The following TMEM132C variants were observed in gnomAD, a reference collection of about 807,000 sequenced individuals.
TMEM132C encodes transmembrane protein 132C.
A neutral mutation model predicts 61.4 loss-of-function variants in TMEM132C; 29 were observed. The observed-to-expected ratio is 0.47, with a 90% confidence interval of 0.35 to 0.64. The LOEUF (loss-of-function observed/expected upper bound fraction) is 0.64. TMEM132C is among the 30% of genes least tolerant of loss of function. TMEM132C has a pLI of 0.00. For synonymous variants in TMEM132C, 656 were observed against 633.1 expected (o/e 1.04, Z -0.54); for missense variants, 1,408 against 1,476.9 (o/e 0.95, Z 0.76).
chr12:128,648,822 T>C (rs998244757), intron 4 of TMEM132C, among the ~76,000 whole-genome samples: 1 of 151,090 alleles, frequency 6.6e-6, no homozygotes, highest in South Asian at 2.1e-4. Context: ...TCCATCAGCA[T>C]TGGATGTGAG....
chr12:128,462,795 G>A (rs1870583443), intron 2 of TMEM132C, among the ~76,000 whole-genome samples: 1 of 152,150 alleles, frequency 6.6e-6, no homozygotes, highest in Admixed American at 6.5e-5. Flanking sequence ...TACCTATTTT[G>A]GAGGAAGAGA....
At chr12:128,328,852 C>T (rs560449546) in intron 1 of TMEM132C, among the ~76,000 whole-genome samples, 1 of 150,726 alleles carries the variant, frequency 6.6e-6, no homozygotes, top group African/African-American at 2.5e-5. Context: ...TGTAAAACAC[C>T]GTTGTGATTT....
chr12:128,644,975 A>G (rs761476951), intron 4 of TMEM132C, among the ~76,000 whole-genome samples: 3 of 152,172 alleles, frequency 2.0e-5, no homozygotes, highest in Admixed American at 6.5e-5. Flanking sequence ...AGGGTCAAGT[A>G]GGATTCATGG....
intron 3 of TMEM132C, among the ~76,000 whole-genome samples, chr12:128,598,990 G>C (rs1449236714): frequency 6.6e-6 from 1 of 152,150 alleles, no homozygotes; most frequent in Non-Finnish European, 1.5e-5. Context: ...CTGGATTTTG[G>C]CTACATGTAG....
chr12:128,604,480 G>A (rs985413467), intron 3 of TMEM132C, among the ~76,000 whole-genome samples: 2 of 151,266 alleles, frequency 1.3e-5, no homozygotes, highest in African/African-American at 4.9e-5. Context: ...GATACAAATG[G>A]ATAGATCATA....
At position 128,417,629 on chromosome 12, in the gene TMEM132C, G is replaced by T. The variant is rs11830961; in HGVS notation, c.974+2009G>T. On this transcript the variant is annotated intron_variant, in intron 2 of 8. Transcript: ENST00000435159. ...CCTCCTCTCTAAAGCAGATGTAATTGTAGTACCTGCTTCGATGGGGTTGTG... is the reference window on the plus strand; with the variant it reads ...CCTCCTCTCTAAAGCAGATGTAATTTTAGTACCTGCTTCGATGGGGTTGTG... Among the ~76,000 whole-genome samples the T allele has an allele frequency of 2.6e-5, 4 of 152,202 alleles. No homozygotes were observed. In the East Asian group the frequency reaches 7.7e-4, roughly 29 times the overall value.
chr12:128,355,986 C>T (rs1015283428), intron 1 of TMEM132C, among the ~76,000 whole-genome samples: 1 of 152,122 alleles, frequency 6.6e-6, no homozygotes, highest in African/African-American at 2.4e-5. Flanking sequence ...CAGGTCATCT[C>T]TGTGTGGTTA....
At chr12:128,391,957 T>C (rs1054148709) in intron 1 of TMEM132C, among the ~76,000 whole-genome samples, 3 of 152,220 alleles carry the variant, frequency 2.0e-5, no homozygotes, top group African/African-American at 7.2e-5. Flanking sequence ...CAATTTTGCC[T>C]CTTGTCATAA....
intron 2 of TMEM132C, among the ~76,000 whole-genome samples, chr12:128,473,343 C>T (rs372603733): frequency 1.7e-3 from 57 of 33,832 alleles, no homozygotes; most frequent in South Asian, 2.2e-3. Context: ...GTCCAGCCTC[C>T]TTCTTCATCT....
intron 1 of TMEM132C, among the ~76,000 whole-genome samples, chr12:128,331,014 A>G (rs764100053): frequency 4.0e-4 from 61 of 152,308 alleles, no homozygotes; most frequent in Non-Finnish European, 7.8e-4. Context: ...TTATCCAACA[A>G]TAAAAGAATG....
chr12:128,373,676 C>CTA (rs778253138), intron 1 of TMEM132C, among the ~76,000 whole-genome samples: 2 of 152,190 alleles, frequency 1.3e-5, no homozygotes, highest in Non-Finnish European at 2.9e-5. Flanking sequence ...TTGTTGACTG[C>CTA]TAAGCCAGAT....
chr12:128,273,863 G>A (rs749146743), intron 1 of TMEM132C, among the ~76,000 whole-genome samples: 1 of 152,054 alleles, frequency 6.6e-6, no homozygotes, highest in African/African-American at 2.4e-5. Flanking sequence ...ATGCACTCAC[G>A]TACCCTAGGT....
In TMEM132C at chr12:128,271,566, G is replaced by T. The variant is rs538710603; in HGVS notation, c.85+4079G>T. On this transcript the variant is annotated intron_variant, in intron 1 of 8. Coordinates refer to ENST00000435159, the MANE Select transcript of TMEM132C (RefSeq NM_001136103.3). ...TTAGGATTTCCAACTTCTCTCAAAA[G>T]TGTCGAGAGTCTGCCAATCTTGGGT... Among the ~76,000 whole-genome samples, 43 of 152,276 alleles carry T rather than the reference G, an allele frequency of 2.8e-4. No homozygotes were observed. The East Asian group carries it at 8.1e-3, about 29-fold the overall frequency.
rs1173517348 is a variant in TMEM132C, at chr12:128,663,921, C to T, written c.1306-5496C>T. On this transcript the variant is annotated intron_variant, in intron 4 of 8. Coordinates refer to ENST00000435159, the MANE Select transcript of TMEM132C (RefSeq NM_001136103.3). Reference sequence around the variant, plus strand: ...ACATGCACGCACACAGGCACACACACCTGCACGCACGCGGACACTCACACA... The same window carrying T: ...ACATGCACGCACACAGGCACACACATCTGCACGCACGCGGACACTCACACA... Among the ~76,000 whole-genome samples the T allele has an allele frequency of 4.2e-5, 6 of 143,280 alleles. No individual in the cohort carries two copies. In the East Asian group the frequency reaches 8.5e-4, roughly 20 times the overall value. The allele number at this position is 143,280 out of a possible 152,430, so 94.0% of individuals were successfully genotyped here.
At chr12:128,639,526 T>C (rs892674746) in intron 4 of TMEM132C, among the ~76,000 whole-genome samples, 3 of 151,974 alleles carry the variant, frequency 2.0e-5, no homozygotes, top group African/African-American at 4.8e-5. Context: ...AATGAGAAAA[T>C]TGGAGAAAGA....
intron 3 of TMEM132C, among the ~76,000 whole-genome samples, chr12:128,557,957 T>G (rs1874383061): frequency 6.6e-6 from 1 of 152,238 alleles, no homozygotes; most frequent in African/African-American, 2.4e-5. Context: ...GCCCGGCAAC[T>G]TGGATTCACA....
intron 5 of TMEM132C, among the ~76,000 whole-genome samples, chr12:128,688,535 C>T (rs1181571063): frequency 6.6e-6 from 1 of 152,026 alleles, no homozygotes; most frequent in African/African-American, 2.4e-5. Flanking sequence ...CCAAGTAAAA[C>T]ATCCACTGTG....
intron 1 of TMEM132C, among the ~76,000 whole-genome samples, chr12:128,318,237 C>CT (rs1872217108): frequency 6.6e-6 from 1 of 152,206 alleles, no homozygotes; most frequent in Middle Eastern, 3.4e-3. Flanking sequence ...GTTTCCTTTT[C>CT]TTTTTTGCTG....
intron 4 of TMEM132C, among the ~76,000 whole-genome samples, chr12:128,666,526 C>T (rs1954476466): frequency 6.6e-6 from 1 of 152,144 alleles, no homozygotes; most frequent in Non-Finnish European, 1.5e-5. Context: ...AGATAGATGA[C>T]ATAGCCCAAC....
Sources: gnomAD v4.1 joint callset for allele counts (sites outside exome capture counted in the v4.1 genomes callset) on GRCh38, gnomAD v4.1.1 for gene constraint, MANE v1.5 for transcripts, NCBI Gene and HGNC (gene_info 2026-07-23, HGNC 2026-07-21) for gene names.